OR9Q1: variants seen among roughly 807,000 people sequenced by gnomAD.
OR9Q1 encodes olfactory receptor family 9 subfamily Q member 1, also known as olfactory receptor 9Q1.
For missense variants in OR9Q1, 374 were observed against 378.8 expected (o/e 0.99, Z 0.11); for synonymous variants, 153 against 148.6 (o/e 1.03, Z -0.22).
intron 2 of OR9Q1, among the ~76,000 whole-genome samples, chr11:58,158,318 A>G (rs1854426505): frequency 6.6e-6 from 1 of 152,124 alleles, no homozygotes; most frequent in Non-Finnish European, 1.5e-5. Flanking sequence ...TCTCCAGAGA[A>G]TAAACTTGGG....
At chr11:58,142,905 G>T (rs965682004) in intron 2 of OR9Q1, among the ~76,000 whole-genome samples, 3 of 152,088 alleles carry the variant, frequency 2.0e-5, no homozygotes, top group African/African-American at 7.2e-5. Context: ...CAGATCCTTT[G>T]GAATAAGAGG....
At chr11:58,149,506 A>G (rs1239103232) in intron 2 of OR9Q1, among the ~76,000 whole-genome samples, 1 of 152,202 alleles carries the variant, frequency 6.6e-6, no homozygotes, top group Non-Finnish European at 1.5e-5. Flanking sequence ...GTAAGTACAC[A>G]GTTTGGTGGC....
chr11:58,056,581 C>T (rs1853330240), intron 2 of OR9Q1, among the ~76,000 whole-genome samples: 1 of 152,216 alleles, frequency 6.6e-6, no homozygotes, highest in Non-Finnish European at 1.5e-5. Context: ...TGAACACAGT[C>T]AGATTGATTT....
At chr11:58,129,699 C>T (rs1430075351) in intron 2 of OR9Q1, among the ~76,000 whole-genome samples, 1 of 152,098 alleles carries the variant, frequency 6.6e-6, no homozygotes, top group Non-Finnish European at 1.5e-5. Flanking sequence ...TGTAAATACC[C>T]CATCACCAAG....
intron 1 of OR9Q1, chr11:58,031,520 G>T: frequency 1.2e-6 from 2 of 1,614,112 alleles, no homozygotes; most frequent in South Asian, 1.1e-5. Context: ...ACCCTTGCTA[G>T]CCTTGTCGTG....
intron 1 of OR9Q1, among the ~76,000 whole-genome samples, chr11:58,053,544 C>T (rs1456786006): frequency 1.4e-5 from 2 of 138,978 alleles, no homozygotes; most frequent in Non-Finnish European, 3.2e-5. Flanking sequence ...CACATGTATA[C>T]ATATGTCACT....
chr11:58,086,400 G>A (rs1853634221), intron 2 of OR9Q1, among the ~76,000 whole-genome samples: 1 of 151,924 alleles, frequency 6.6e-6, no homozygotes, highest in Non-Finnish European at 1.5e-5. Flanking sequence ...CTTGTGCACT[G>A]TTGGTGGTAA....
At chr11:58,120,475 G>T (rs1053108346) in intron 2 of OR9Q1, among the ~76,000 whole-genome samples, 2 of 151,732 alleles carry the variant, frequency 1.3e-5, no homozygotes, top group East Asian at 3.9e-4. Flanking sequence ...TATTTTCATA[G>T]GTTTTTGGGG....
At chr11:58,163,879 G>A (rs1854477497) in intron 2 of OR9Q1, among the ~76,000 whole-genome samples, 1 of 152,204 alleles carries the variant, frequency 6.6e-6, no homozygotes, top group Non-Finnish European at 1.5e-5. Flanking sequence ...GTCAGAACTA[G>A]AATTCAGGCT....
chr11:58,099,237 C>T lies in OR9Q1; in HGVS notation c.-15+43290C>T, dbSNP rs180883239. Reference sequence around the variant, plus strand: ...TTATTTATCCTAAATGATTTTTTGCCTACTCTTTCTATAAATTATATATTT... The same window carrying T: ...TTATTTATCCTAAATGATTTTTTGCTTACTCTTTCTATAAATTATATATTT... On this transcript the variant is annotated intron_variant, in intron 2 of 2. Transcript: ENST00000335397. Among the ~76,000 whole-genome samples, 3 of 148,228 alleles carry T rather than the reference C, an allele frequency of 2.0e-5. No individual in the cohort carries two copies. The East Asian group carries it at 5.9e-4, about 29-fold the overall frequency.
intron 2 of OR9Q1, among the ~76,000 whole-genome samples, chr11:58,068,722 G>C (rs1207273335): frequency 2.0e-5 from 3 of 152,128 alleles, no homozygotes; most frequent in African/African-American, 7.2e-5. Flanking sequence ...AATAATAAGA[G>C]GTGGTTATTC....
At chr11:58,158,976 C>T (rs1325877344) in intron 2 of OR9Q1, among the ~76,000 whole-genome samples, 1 of 152,202 alleles carries the variant, frequency 6.6e-6, no homozygotes, top group Non-Finnish European at 1.5e-5. Context: ...AACTTGGCTG[C>T]ATTTTTGCCA....
chr11:58,104,385 A>T (rs1853820491), intron 2 of OR9Q1, among the ~76,000 whole-genome samples: 1 of 151,740 alleles, frequency 6.6e-6, no homozygotes, highest in African/African-American at 2.4e-5. Context: ...TTCCCAGAAC[A>T]GAAGTCTTCA....
At chr11:58,157,967 A>G (rs1213088856) in intron 2 of OR9Q1, among the ~76,000 whole-genome samples, 2 of 152,200 alleles carry the variant, frequency 1.3e-5, no homozygotes, top group African/African-American at 4.8e-5. Context: ...ATTGTTGGCT[A>G]TGGCAAATAG....
At chr11:58,096,393 C>T (rs984690998) in intron 2 of OR9Q1, among the ~76,000 whole-genome samples, 4 of 152,206 alleles carry the variant, frequency 2.6e-5, no homozygotes, top group East Asian at 1.9e-4. Context: ...CCTCCACCCT[C>T]CACAGACAAC....
At chr11:58,119,514 A>T in intron 2 of OR9Q1, 1 of 1,060,386 alleles carries the variant, frequency 9.4e-7, no homozygotes, top group Non-Finnish European at 1.4e-6. Context: ...GAAGGACAGA[A>T]TCTTTCCCTC....
intron 2 of OR9Q1, among the ~76,000 whole-genome samples, chr11:58,098,897 T>C (rs904755397): frequency 1.3e-5 from 2 of 152,210 alleles, no homozygotes; most frequent in Non-Finnish European, 1.5e-5. Context: ...CATGTTTATT[T>C]CACTAGTGTT....
intron 2 of OR9Q1, among the ~76,000 whole-genome samples, chr11:58,061,726 C>T (rs1853381999): frequency 6.6e-6 from 1 of 152,166 alleles, no homozygotes; most frequent in Non-Finnish European, 1.5e-5. Flanking sequence ...AGGGCTATTG[C>T]AAAATGCTCA....
chr11:58,063,798 T>G (rs1238738455), intron 2 of OR9Q1, among the ~76,000 whole-genome samples: 2 of 152,156 alleles, frequency 1.3e-5, no homozygotes, highest in Non-Finnish European at 1.5e-5. Context: ...GGGAAATAAT[T>G]TCATAAACAT....
Sources: gnomAD v4.1 joint callset for allele counts (sites outside exome capture counted in the v4.1 genomes callset) on GRCh38, gnomAD v4.1.1 for gene constraint, MANE v1.5 for transcripts, NCBI Gene and HGNC (gene_info 2026-07-23, HGNC 2026-07-21) for gene names.